The following RFC4 variants were observed in gnomAD, a reference collection of about 807,000 sequenced individuals.
The protein encoded by RFC4 is replication factor C subunit 4.
Under a neutral mutation model 47.6 loss-of-function variants are expected in RFC4, and 38 were observed. The ratio of observed to expected loss-of-function variants is 0.80; its 90% confidence interval spans 0.62 to 1.05. RFC4 has a LOEUF of 1.05. Among genes scored for constraint, RFC4 ranks in the 50% least tolerant of loss-of-function variants. RFC4 has a pLI of 0.00. For missense variants in RFC4, 489 were observed against 434.0 expected (o/e 1.13, Z -1.13); for synonymous variants, 164 against 150.0 (o/e 1.09, Z -0.68).
intron 2 of RFC4, among the ~76,000 whole-genome samples, chr3:186,801,635 T>C (rs1309742500): frequency 2.3e-5 from 3 of 132,036 alleles, no homozygotes; most frequent in African/African-American, 5.9e-5. Flanking sequence ...GGCACGAACC[T>C]GGGAGGCAGA....
At chr3:186,804,343 G>A (rs1457952839) in intron 2 of RFC4, among the ~76,000 whole-genome samples, 2 of 151,946 alleles carry the variant, frequency 1.3e-5, no homozygotes, top group Non-Finnish European at 2.9e-5. Flanking sequence ...CCCCTAAAAT[G>A]GAAGCCTCTG....
intron 8 of RFC4, chr3:186,791,430 AC>A (rs1722130408): frequency 2.9e-6 from 1 of 347,174 alleles, no homozygotes; most frequent in Admixed American, 3.8e-5. Flanking sequence ...GTATTGCGTC[AC>A]TGCACTCCAG....
chr3:186,792,368 A>G, intron 7 of RFC4, 122 bp downstream of exon 7: 1 of 779,990 alleles, frequency 1.3e-6, no homozygotes, highest in Non-Finnish European at 2.1e-6. Flanking sequence ...CCTTTAGCTT[A>G]AGTTTGTCTG....
rs759784210 is a variant in RFC4, at chr3:186,792,142, A to AT, written c.676-293dup. Among the ~76,000 whole-genome samples, 96 of 152,198 alleles carry AT rather than the reference A, an allele frequency of 6.3e-4. 1 individual carries two copies. Among genetic ancestry groups the AT allele is most frequent in the Non-Finnish European group, 1.3e-3 (87 of 68,028 alleles). On this transcript the variant is annotated intron_variant, in intron 7 of 10. Transcript: ENST00000296273. The stretch of plus-strand genomic sequence containing the variant: ...TTATGGTTAAATTCTGTTATAATGA[A>AT]TAAGGGCCTTATGTTTCTATCAATT...
chr3:186,798,788 A>T (rs561821855), intron 3 of RFC4, among the ~76,000 whole-genome samples: 44 of 152,206 alleles, frequency 2.9e-4, no homozygotes, highest in African/African-American at 9.9e-4. Context: ...TTCTCTCATT[A>T]GTGTTTGTTG....
In RFC4 at chr3:186,793,150, A is replaced by G. The variant is rs1015812053; in HGVS notation, c.411-203T>C. 2.6e-5 allele frequency among the ~76,000 whole-genome samples: 4 copies of G among 152,186 alleles called. No individual in the cohort carries two copies. The highest frequency in any genetic ancestry group is 5.9e-5 in the Non-Finnish European group (4 of 68,042). On this transcript the variant is annotated intron_variant, in intron 5 of 10. Transcript: ENST00000296273. The surrounding 1 kb of genome is among the most constrained non-coding windows in gnomAD (Gnocchi z 4.2). ...CACTCCTAAAAGAAACTTTGTACCT[A>G]TTAGGAGTCACTCTTCTTCCCCCAG... is the stretch of plus-strand genomic sequence containing the variant.
chr3:186,791,628 G>C (rs1181707798), intron 8 of RFC4, 97 bp downstream of exon 8: 2 of 1,037,034 alleles, frequency 1.9e-6, no homozygotes, highest in Non-Finnish European at 3.0e-6. Flanking sequence ...TGCAGTACTT[G>C]GCACTTGCTA....
intron 6 of RFC4, 64 bp downstream of exon 6, chr3:186,792,740 C>A (rs1374290173): frequency 6.4e-7 from 1 of 1,558,114 alleles, no homozygotes; most frequent in Non-Finnish European, 8.7e-7. Flanking sequence ...CCTAAATTTC[C>A]TTTCCCTAAT....
intron 5 of RFC4, among the ~76,000 whole-genome samples, chr3:186,794,456 G>A (rs778596316): frequency 2.0e-5 from 3 of 152,192 alleles, no homozygotes; most frequent in Non-Finnish European, 4.4e-5. Flanking sequence ...TACCACCAAT[G>A]TAATCCTGGA....
chr3:186,794,637 A>T (rs1487585178), intron 5 of RFC4, 21 bp downstream of exon 5: 1 of 1,610,158 alleles, frequency 6.2e-7, no homozygotes, highest in Admixed American at 1.7e-5. Context: ...GCTATGGAGG[A>T]GGGAGGGCAA....
At chr3:186,800,355 C>A (rs1317992234) in intron 3 of RFC4, among the ~76,000 whole-genome samples, 2 of 152,170 alleles carry the variant, frequency 1.3e-5, no homozygotes, top group East Asian at 3.8e-4. Context: ...AAAATGTGTA[C>A]TGTAGTAATA....
rs1461648204 is a variant in RFC4 at position 186,790,541 on chromosome 3, G to C, written c.802-135C>G. 4.4e-6 allele frequency: 3 copies of C among 689,584 alleles called. No homozygotes were observed. In the African/African-American group the frequency reaches 5.3e-5, roughly 12 times the overall value. The allele number at this position is 689,584 out of a possible 1,614,324, so 42.7% of individuals were successfully genotyped here. ...ATACTTTCCTGGGAAGGCTTTGGGA[G>C]AACGGAAAGGGCCAGAGTAACTCCA... On this transcript the variant is annotated intron_variant, in intron 8 of 10. Transcript: ENST00000296273.
chr3:186,801,730 A>AAAAG (rs1348449105), intron 2 of RFC4, among the ~76,000 whole-genome samples: 5 of 149,952 alleles, frequency 3.3e-5, no homozygotes, highest in African/African-American at 1.2e-4. Flanking sequence ...AAAAAAAAAA[A>AAAAG]AGAAATTAAA....
At chr3:186,794,885 T>C (rs1722212281) in intron 4 of RFC4, 108 bp from the exon 5 acceptor site, 1 of 1,190,586 alleles carries the variant, frequency 8.4e-7, no homozygotes, top group Admixed American at 2.2e-5. Flanking sequence ...GTAAACAACA[T>C]GGATAGAAGG....
At chr3:186,797,472 C>A in intron 4 of RFC4, 63 bp downstream of exon 4, 1 of 1,058,268 alleles carries the variant, frequency 9.4e-7, no homozygotes, top group Non-Finnish European at 1.4e-6. Context: ...GGAAAAAAAG[C>A]AATATCAGAG....
intron 2 of RFC4, chr3:186,801,472 G>T: frequency 2.6e-6 from 1 of 380,924 alleles, no homozygotes; most frequent in Non-Finnish European, 4.8e-6. Flanking sequence ...TATTTTATAT[G>T]CTACAAACAC....
At chr3:186,805,847 T>C (rs1171419022) in intron 1 of RFC4, among the ~76,000 whole-genome samples, 1 of 152,182 alleles carries the variant, frequency 6.6e-6, no homozygotes, top group Non-Finnish European at 1.5e-5. Context: ...CCTAGAACAG[T>C]GCCTGGTACA....
chr3:186,800,051 G>C (rs1364915853), intron 3 of RFC4, among the ~76,000 whole-genome samples: 1 of 152,056 alleles, frequency 6.6e-6, no homozygotes, highest in Non-Finnish European at 1.5e-5. Context: ...CGCCTCCCAG[G>C]TTCAAATGAT....
chr3:186,792,544 T>A lies in RFC4; in HGVS notation c.621A>T (p.Gln207His), dbSNP rs1218830511. The stretch of plus-strand genomic sequence containing the variant: ...TGGCAATGTCTAGTAATCGCTGCTG[T>A]TGAATTTTATCTGACAGAGGCTTGA... ...FRFKPLSDKI[Q>H]QQRLLDIAKK... is the part of the protein sequence containing the mutation. Residue 207 changes from glutamine (Q) to histidine (H), a missense_variant, in exon 7 of 11, where the codon CAA (glutamine) becomes CAT (histidine). Coordinates refer to ENST00000296273, the MANE Select transcript of RFC4 (RefSeq NM_002916.5). 3.1e-6 allele frequency: 5 copies of A among 1,613,756 alleles called. No homozygotes were observed. The highest frequency in any genetic ancestry group is 4.2e-6 in the Non-Finnish European group (5 of 1,179,668).
Sources: gnomAD v4.1 joint callset for allele counts (sites outside exome capture counted in the v4.1 genomes callset) on GRCh38, gnomAD v4.1.1 for gene constraint, Gnocchi (gnomAD v3.1) non-coding constraint, MANE v1.5 for transcripts, NCBI Gene and HGNC (gene_info 2026-07-23, HGNC 2026-07-21) for gene names.